The following TMCO5A variants were observed in gnomAD, a reference collection of about 807,000 sequenced individuals.
TMCO5A encodes transmembrane and coiled-coil domains 5A.
Under a neutral mutation model 42.3 loss-of-function variants are expected in TMCO5A, and 34 were observed. The observed-to-expected ratio is 0.80, with a 90% confidence interval of 0.61 to 1.07. The LOEUF is 1.07. Ranked by LOEUF, TMCO5A falls within the 50% of genes least tolerant of loss-of-function variation. The pLI, the probability that TMCO5A is intolerant of heterozygous loss-of-function variation, is 0.00. For missense variants in TMCO5A, 357 were observed against 327.9 expected, an observed-to-expected ratio of 1.09 and a Z score of -0.69; for synonymous variants, 131 against 115.6, an observed-to-expected ratio of 1.13 and a Z score of -0.86.
At chr15:37,982,713 TTA>T in the TMCO5A span, among the ~76,000 whole-genome samples, 63 of 142,782 alleles carry the variant, frequency 4.4e-4, no homozygotes, top group African/African-American at 1.6e-3. Context: ...ATGTTTATAA[TTA>T]TATAAATATC....
At chr15:38,036,734 G>A in the TMCO5A span, among the ~76,000 whole-genome samples, 55 of 152,226 alleles carry the variant, frequency 3.6e-4, no homozygotes, top group South Asian at 1.5e-3. Flanking sequence ...TCTTACTCCT[G>A]CAGGCTGATT....
the TMCO5A span, among the ~76,000 whole-genome samples, chr15:38,028,724 G>A: frequency 1.3e-5 from 2 of 152,154 alleles, no homozygotes; most frequent in African/African-American, 2.4e-5. Context: ...TAACAATCAA[G>A]GGCAGATAGT....
intron 11 of TMCO5A, among the ~76,000 whole-genome samples, chr15:37,957,389 A>C (rs1446422066): frequency 6.6e-6 from 1 of 152,246 alleles, no homozygotes; most frequent in African/African-American, 2.4e-5. Context: ...CAACTTCAGC[A>C]AAGTCTCAGG....
At chr15:37,986,380 GGTGT>G in the TMCO5A span, among the ~76,000 whole-genome samples, 3,735 of 139,210 alleles carry the variant, frequency 0.027, 70 homozygotes, top group African/African-American at 0.049. Flanking sequence ...GGTAAGGGAT[GGTGT>G]GTGTGTGTGT....
At chr15:37,943,429 A>C (rs779588940) in intron 10 of TMCO5A, 31 bp downstream of exon 10, 1 of 1,608,070 alleles carries the variant, frequency 6.2e-7, no homozygotes, top group Admixed American at 1.7e-5. Context: ...TCAGCTCCTC[A>C]CAGTGTCATT....
At chr15:37,959,496 T>C (rs1040785287) in intron 11 of TMCO5A, among the ~76,000 whole-genome samples, 6 of 152,082 alleles carry the variant, frequency 3.9e-5, no homozygotes, top group African/African-American at 1.4e-4. Flanking sequence ...ATTAAAAAGA[T>C]CATATATCAT....
chr15:37,993,313 T>G, the TMCO5A span: 4 of 152,086 alleles, frequency 2.6e-5, no homozygotes, highest in African/African-American at 9.7e-5. Flanking sequence ...AACATCTGGA[T>G]TATAATGAAG....
At chr15:37,952,459 C>T (rs1469051754), downstream of TMCO5A, among the ~76,000 whole-genome samples, 3 of 152,126 alleles carry the variant, frequency 2.0e-5, no homozygotes, top group African/African-American at 7.2e-5. Context: ...CATTTCTAGA[C>T]ACACCCTGGG....
At chr15:38,033,104 A>G in the TMCO5A span, among the ~76,000 whole-genome samples, 2 of 150,950 alleles carry the variant, frequency 1.3e-5, no homozygotes, top group African/African-American at 2.4e-5. Flanking sequence ...ATTTTTTTGT[A>G]TTTTCAGTAG....
downstream of TMCO5A, among the ~76,000 whole-genome samples, chr15:37,968,619 G>GT (rs1399244280): frequency 7.3e-6 from 1 of 136,720 alleles, no homozygotes; most frequent in African/African-American, 2.8e-5. Flanking sequence ...ATCTCGCCCT[G>GT]TTGCCCAGGC....
the TMCO5A span, among the ~76,000 whole-genome samples, chr15:37,978,628 G>A: frequency 6.6e-6 from 1 of 152,256 alleles, no homozygotes; most frequent in Non-Finnish European, 1.5e-5. Flanking sequence ...GAGAGCCTGA[G>A]GGTTGTCTCT....
intron 10 of TMCO5A, among the ~76,000 whole-genome samples, chr15:37,945,669 C>T (rs1032158957): frequency 5.9e-5 from 9 of 152,056 alleles, no homozygotes; most frequent in Non-Finnish European, 1.3e-4. Context: ...GTATGTATGT[C>T]TTCTTTTGAG....
At chr15:37,955,702 C>A (rs538415552), downstream of TMCO5A, among the ~76,000 whole-genome samples, 279 of 152,236 alleles carry the variant, frequency 1.8e-3, no homozygotes, top group South Asian at 9.3e-3. Context: ...AGAAAATTAA[C>A]AAGAATATCC....
chr15:37,980,668 G>A, the TMCO5A span, among the ~76,000 whole-genome samples: 50 of 141,142 alleles, frequency 3.5e-4, no homozygotes, highest in Admixed American at 7.7e-4. Context: ...AAAAAATCTA[G>A]TGTCTTTCTT....
At chr15:37,965,892 T>C (rs577165784) in intron 11 of TMCO5A, among the ~76,000 whole-genome samples, 3 of 152,244 alleles carry the variant, frequency 2.0e-5, no homozygotes, top group African/African-American at 2.4e-5. Context: ...GATCCAGCAA[T>C]CCCACTGCTG....
the TMCO5A span, among the ~76,000 whole-genome samples, chr15:38,028,988 T>C: frequency 1.3e-5 from 2 of 152,260 alleles, no homozygotes; most frequent in African/African-American, 4.8e-5. Flanking sequence ...GAGTCTATAC[T>C]CAATGGAACC....
the TMCO5A span, among the ~76,000 whole-genome samples, chr15:38,038,943 G>A: frequency 6.6e-6 from 1 of 152,182 alleles, no homozygotes; most frequent in Non-Finnish European, 1.5e-5. Context: ...CACCAAGGAA[G>A]TGGAGGACAT....
the TMCO5A span, among the ~76,000 whole-genome samples, chr15:38,024,518 G>T: frequency 6.6e-6 from 1 of 152,200 alleles, no homozygotes; most frequent in Non-Finnish European, 1.5e-5. Context: ...AATCAGCATA[G>T]ATGTGGGGGT....
chr15:38,000,549 C>T, the TMCO5A span, among the ~76,000 whole-genome samples: 1 of 151,826 alleles, frequency 6.6e-6, no homozygotes, highest in South Asian at 2.1e-4. Context: ...TGTTCTTATA[C>T]TAATTTTGAA....
Sources: allele counts gnomAD v4.1 joint callset (sites outside exome capture counted in the v4.1 genomes callset), GRCh38; gene constraint gnomAD v4.1.1; transcripts MANE v1.5; gene names NCBI Gene and HGNC (gene_info 2026-07-23, HGNC 2026-07-21).